PLD5: variants seen among roughly 807,000 people sequenced by gnomAD.
The protein encoded by PLD5 is inactive phospholipase D5.
In PLD5, 36 loss-of-function variants were observed where a neutral mutation model predicts 61.1. The ratio of observed to expected loss-of-function variants is 0.59; its 90% CI spans 0.45 to 0.78. PLD5 has a LOEUF of 0.78. PLD5 is among the 30% of genes least tolerant of loss of function. The pLI, the probability that PLD5 is intolerant of heterozygous loss-of-function variation, is 0.00. For missense variants in PLD5, 515 were observed against 644.4 expected (o/e 0.80, Z 2.17); for synonymous variants, 243 against 242.8 (o/e 1.00, Z -0.01).
At chr1:242,493,055 A>G (rs990435968) in intron 1 of PLD5, among the ~76,000 whole-genome samples, 1 of 152,094 alleles carries the variant, frequency 6.6e-6, no homozygotes, top group Admixed American at 6.6e-5. Flanking sequence ...AACCAACCTG[A>G]CCTATATCCA....
chr1:242,301,744 GTTTAT>G (rs1325639320), intron 2 of PLD5, among the ~76,000 whole-genome samples: 2 of 133,174 alleles, frequency 1.5e-5, no homozygotes, highest in Non-Finnish European at 3.2e-5. Context: ...CCTTCCGTAG[GTTTAT>G]TTTTATTTTT....
chr1:242,281,330 C>T (rs1191635999), intron 3 of PLD5, among the ~76,000 whole-genome samples: 1 of 152,102 alleles, frequency 6.6e-6, no homozygotes, highest in Non-Finnish European at 1.5e-5. Context: ...CAGGTAGCGC[C>T]TGGAGACCTG....
chr1:242,447,860 A>C (rs1666609273), intron 1 of PLD5, among the ~76,000 whole-genome samples: 1 of 152,156 alleles, frequency 6.6e-6, no homozygotes, highest in Non-Finnish European at 1.5e-5. Flanking sequence ...CCCATGCTCA[A>C]AGTATGCTGG....
intron 5 of PLD5, among the ~76,000 whole-genome samples, chr1:242,168,205 ACAAAT>A (rs762708283): frequency 5.5e-4 from 84 of 152,336 alleles, no homozygotes; most frequent in South Asian, 1.0e-3. Flanking sequence ...AATTGGACTA[ACAAAT>A]CAAACATGTA....
intron 2 of PLD5, among the ~76,000 whole-genome samples, chr1:242,343,030 G>A (rs1659929707): frequency 6.6e-6 from 1 of 152,122 alleles, no homozygotes; most frequent in Admixed American, 6.6e-5. Flanking sequence ...CATTGAGTGG[G>A]CAGAATGAAT....
At chr1:242,379,989 T>A (rs1449933898) in intron 1 of PLD5, among the ~76,000 whole-genome samples, 1 of 152,208 alleles carries the variant, frequency 6.6e-6, no homozygotes. Context: ...ACTTCATTTA[T>A]TATCTGTGGC....
At chr1:242,186,323 C>T (rs1667884050) in intron 5 of PLD5, among the ~76,000 whole-genome samples, 1 of 152,016 alleles carries the variant, frequency 6.6e-6, no homozygotes, top group South Asian at 2.1e-4. Flanking sequence ...GCTGGGATTG[C>T]AAGTGTCTGC....
At chr1:242,317,416 A>G (rs960662527) in intron 2 of PLD5, among the ~76,000 whole-genome samples, 1 of 152,170 alleles carries the variant, frequency 6.6e-6, no homozygotes, top group Non-Finnish European at 1.5e-5. Context: ...TAACACATTC[A>G]CTTCATTTTT....
At chr1:242,419,742 G>A (rs1471536616) in intron 1 of PLD5, among the ~76,000 whole-genome samples, 1 of 151,910 alleles carries the variant, frequency 6.6e-6, no homozygotes, top group African/African-American at 2.4e-5. Flanking sequence ...GCAAGGAGAA[G>A]TAAAGGTCTA....
At chr1:242,488,657 A>G (rs1381093439) in intron 1 of PLD5, among the ~76,000 whole-genome samples, 1 of 152,196 alleles carries the variant, frequency 6.6e-6, no homozygotes, top group South Asian at 2.1e-4. Flanking sequence ...ATGACGGTGG[A>G]TATATGCCAT....
intron 5 of PLD5, among the ~76,000 whole-genome samples, chr1:242,146,564 TGAA>T (rs1397433872): frequency 2.0e-5 from 3 of 152,146 alleles, no homozygotes; most frequent in Non-Finnish European, 4.4e-5. Context: ...GCCATACACT[TGAA>T]GAAATTTTTA....
chr1:242,278,804 T>C (rs1674555656), intron 3 of PLD5, among the ~76,000 whole-genome samples: 1 of 152,224 alleles, frequency 6.6e-6, no homozygotes, highest in South Asian at 2.1e-4. Context: ...AAGGCACATT[T>C]AACATCATTT....
chr1:242,284,772 C>T (rs1196847731), intron 3 of PLD5, among the ~76,000 whole-genome samples: 1 of 152,214 alleles, frequency 6.6e-6, no homozygotes, highest in African/African-American at 2.4e-5. Context: ...TGCTTCCCCA[C>T]AGGACATGGC....
At chr1:242,302,422 A>G (rs576477647) in intron 2 of PLD5, among the ~76,000 whole-genome samples, 2 of 152,296 alleles carry the variant, frequency 1.3e-5, no homozygotes, top group South Asian at 4.1e-4. Context: ...CCTTTTTGAG[A>G]ATTGCTCATT....
chr1:242,336,181 G>A (rs1380518459), intron 2 of PLD5, among the ~76,000 whole-genome samples: 2 of 152,100 alleles, frequency 1.3e-5, no homozygotes, highest in Admixed American at 6.5e-5. Context: ...GTTGACAATC[G>A]TGGGGGAAAA....
chr1:242,389,418 A>G (rs1662790637), intron 1 of PLD5, among the ~76,000 whole-genome samples: 1 of 152,122 alleles, frequency 6.6e-6, no homozygotes, highest in Non-Finnish European at 1.5e-5. Flanking sequence ...CATCAATGTA[A>G]TAAGTATATA....
At chr1:242,251,158 T>C (rs1672678265) in intron 4 of PLD5, among the ~76,000 whole-genome samples, 1 of 152,148 alleles carries the variant, frequency 6.6e-6, no homozygotes, top group South Asian at 2.1e-4. Context: ...AGTTTGCAGT[T>C]GAATATTTGT....
chr1:242,089,276 G>A lies in PLD5; in HGVS notation c.*578C>T, dbSNP rs1027245512. On this transcript the variant is annotated 3_prime_UTR_variant, in exon 10 of 10. Transcript: ENST00000536534. ...GGAACATTTTGTGAGAAGAGAAAAT[G>A]ATACCAAATAAAACTTATGGTATAA... 2.5e-6 allele frequency: 1 copy of A among 398,894 alleles called. No homozygotes were observed. Among genetic ancestry groups the A allele is most frequent in the South Asian group, 1.3e-4 (1 of 7,882 alleles). 24.7% of individuals were successfully genotyped at this position (398,894 alleles called of 1,614,324 possible).
chr1:242,192,742 T>C (rs1668364978), intron 5 of PLD5, among the ~76,000 whole-genome samples: 1 of 151,800 alleles, frequency 6.6e-6, no homozygotes, highest in South Asian at 2.1e-4. Flanking sequence ...ATGTTGAAGT[T>C]CTCGGGCAGG....
Sources: allele counts gnomAD v4.1 joint callset (sites outside exome capture counted in the v4.1 genomes callset), GRCh38; gene constraint gnomAD v4.1.1; transcripts MANE v1.5; gene names NCBI Gene and HGNC (gene_info 2026-07-23, HGNC 2026-07-21).